The following ERC2 variants were observed in gnomAD, a reference collection of about 807,000 sequenced individuals.
The protein encoded by ERC2 is ERC protein 2.
A neutral mutation model predicts 114.8 loss-of-function variants in ERC2; 42 were observed. The ratio of observed to expected loss-of-function variants is 0.37; its 90% CI spans 0.29 to 0.47. The LOEUF (loss-of-function observed/expected upper bound fraction) is 0.47, where lower values mean the gene tolerates loss of function less well. Among genes scored for constraint, ERC2 ranks in the 20% least tolerant of loss-of-function variants. ERC2 has a pLI of 0.99. For synonymous variants in ERC2, 454 were observed against 425.5 expected, an observed-to-expected ratio of 1.07 and a Z score of -0.82; for missense variants, 939 against 1,150.7, an observed-to-expected ratio of 0.82 and a Z score of 2.66.
At chr3:55,861,064 C>A in intron 14 of ERC2, among the ~76,000 whole-genome samples, 1 of 152,324 alleles carries the variant, frequency 6.6e-6, no homozygotes, top group East Asian at 1.9e-4. Context: ...CAACTGTGCT[C>A]GTTGACAAAA....
chr3:55,997,751 T>G (rs1235162713), intron 10 of ERC2, among the ~76,000 whole-genome samples: 3 of 150,570 alleles, frequency 2.0e-5, no homozygotes, highest in African/African-American at 4.9e-5. Context: ...AAGGCAAAAC[T>G]TTAGGTTCCT....
intron 17 of ERC2, among the ~76,000 whole-genome samples, chr3:55,564,846 A>G (rs905568628): frequency 6.6e-6 from 1 of 152,256 alleles, no homozygotes; most frequent in Non-Finnish European, 1.5e-5. Flanking sequence ...GTCCTAGGAC[A>G]GGGATCAGCA....
chr3:55,533,772 T>C (rs1239444268), intron 17 of ERC2, among the ~76,000 whole-genome samples: 1 of 152,176 alleles, frequency 6.6e-6, no homozygotes, highest in Non-Finnish European at 1.5e-5. Context: ...CTCCTGACTC[T>C]CACATGCCCG....
chr3:56,057,716 T>C (rs2076076698), intron 7 of ERC2, among the ~76,000 whole-genome samples: 1 of 152,194 alleles, frequency 6.6e-6, no homozygotes, highest in African/African-American at 2.4e-5. Context: ...TGGATGCCGA[T>C]CTAGGCACTT....
chr3:56,439,573 A>G (rs935880693), intron 1 of ERC2, among the ~76,000 whole-genome samples: 2 of 152,300 alleles, frequency 1.3e-5, no homozygotes, highest in South Asian at 4.1e-4. Context: ...ACGTCCCTTC[A>G]CAAACAGTCT....
At chr3:55,905,790 C>G (rs537799704) in intron 13 of ERC2, among the ~76,000 whole-genome samples, 19 of 152,160 alleles carry the variant, frequency 1.2e-4, no homozygotes, top group Admixed American at 1.2e-3. Context: ...TGTTTCCAGG[C>G]CCCTTCTCCC....
chr3:56,046,161 A>C (rs941350010), intron 7 of ERC2, among the ~76,000 whole-genome samples: 4 of 152,098 alleles, frequency 2.6e-5, no homozygotes, highest in African/African-American at 9.7e-5. Context: ...TTTTACATCA[A>C]ACTGAGTCTG....
intron 4 of ERC2, among the ~76,000 whole-genome samples, chr3:56,162,822 T>C (rs1376846196): frequency 6.6e-6 from 1 of 152,116 alleles, no homozygotes; most frequent in Non-Finnish European, 1.5e-5. Flanking sequence ...AACCAATTTT[T>C]AGTTTCATTG....
chr3:55,673,379 T>C (rs913386694), intron 17 of ERC2, among the ~76,000 whole-genome samples: 2 of 152,110 alleles, frequency 1.3e-5, no homozygotes, highest in Admixed American at 6.5e-5. Context: ...GGTCGAGAGA[T>C]TGAGACCATC....
intron 16 of ERC2, among the ~76,000 whole-genome samples, chr3:55,688,050 G>A (rs957780048): frequency 9.2e-5 from 14 of 152,150 alleles, no homozygotes; most frequent in Non-Finnish European, 2.1e-4. Context: ...CTCTGTTCAG[G>A]TGATGGGGTC....
intron 17 of ERC2, chr3:55,606,947 C>T (rs1283143178): frequency 6.6e-6 from 1 of 152,402 alleles, no homozygotes; most frequent in African/African-American, 2.4e-5. Flanking sequence ...GCCTACGTGC[C>T]TCCGACAGAG....
At chr3:56,150,484 TTTTA>T (rs2081359607) in intron 4 of ERC2, among the ~76,000 whole-genome samples, 2 of 152,210 alleles carry the variant, frequency 1.3e-5, no homozygotes, top group Non-Finnish European at 2.9e-5. Flanking sequence ...CTGTAGATAC[TTTTA>T]TTAATTCTCA....
chr3:55,906,094 C>T (rs1291222988), intron 13 of ERC2, among the ~76,000 whole-genome samples: 1 of 152,170 alleles, frequency 6.6e-6, no homozygotes, highest in Non-Finnish European at 1.5e-5. Flanking sequence ...AGGCCTGGCA[C>T]ATGGCTGACA....
chr3:56,438,273 T>C (rs1480822830), intron 1 of ERC2, among the ~76,000 whole-genome samples: 2 of 152,342 alleles, frequency 1.3e-5, no homozygotes, highest in East Asian at 3.9e-4. Flanking sequence ...TCTGTCATAA[T>C]TGCCTTGCCC....
At chr3:56,394,770 A>G (rs111840984) in intron 2 of ERC2, among the ~76,000 whole-genome samples, 6 of 152,360 alleles carry the variant, frequency 3.9e-5, no homozygotes, top group African/African-American at 1.4e-4. Context: ...GCTGGTGGAA[A>G]TGTAAAAGGG....
intron 14 of ERC2, among the ~76,000 whole-genome samples, chr3:55,737,323 C>T (rs1867614): frequency 0.022 from 3,285 of 152,224 alleles, 79 homozygotes; most frequent in African/African-American, 0.055. Flanking sequence ...GCTGGACTAC[C>T]GGCAGCAGCA....
At chr3:56,058,060 A>G (rs556139082) in intron 7 of ERC2, among the ~76,000 whole-genome samples, 6 of 152,204 alleles carry the variant, frequency 3.9e-5, no homozygotes, top group Admixed American at 6.5e-5. Flanking sequence ...AGCACTTGTA[A>G]AACAAATCTT....
intron 14 of ERC2, among the ~76,000 whole-genome samples, chr3:55,827,412 AAGAG>A (rs2060374463): frequency 6.6e-6 from 1 of 151,752 alleles, no homozygotes; most frequent in Non-Finnish European, 1.5e-5. Flanking sequence ...AAAAGAGAGA[AAGAG>A]GGAAGAAAAG....
intron 10 of ERC2, among the ~76,000 whole-genome samples, chr3:56,005,229 A>C: frequency 6.6e-6 from 1 of 152,078 alleles, no homozygotes; most frequent in Admixed American, 6.6e-5. Context: ...TCATAAATGA[A>C]ATAGGTCCTT....
Sources: gnomAD v4.1 joint callset for allele counts (sites outside exome capture counted in the v4.1 genomes callset) on GRCh38, gnomAD v4.1.1 for gene constraint, MANE v1.5 for transcripts, NCBI Gene and HGNC (gene_info 2026-07-23, HGNC 2026-07-21) for gene names.